Variants in EYS observed in about 807,000 individuals in gnomAD.
The protein encoded by EYS is protein eyes shut homolog.
In EYS, 250 loss-of-function variants were observed where a neutral mutation model predicts 282.1. The ratio of observed to expected loss-of-function variants is 0.89; its 90% CI spans 0.80 to 0.98. The LOEUF (loss-of-function observed/expected upper bound fraction) is 0.98, where lower values mean the gene tolerates loss of function less well. EYS is among the 50% of genes least tolerant of loss of function. The pLI, the probability that EYS is intolerant of heterozygous loss-of-function variation, is 0.00. For synonymous variants in EYS, 1,355 were observed against 1,282.9 expected (o/e 1.06, Z -1.20); for missense variants, 4,016 against 3,709.0 (o/e 1.08, Z -2.15).
intron 13 of EYS, among the ~76,000 whole-genome samples, chr6:65,010,079 C>A (rs2150132665): frequency 6.6e-6 from 1 of 152,280 alleles, no homozygotes; most frequent in African/African-American, 2.4e-5. Flanking sequence ...AACCCAAGCC[C>A]CAGTGTTAAG....
chr6:64,373,219 T>C (rs1029089219), intron 29 of EYS, among the ~76,000 whole-genome samples: 1 of 152,180 alleles, frequency 6.6e-6, no homozygotes, highest in African/African-American at 2.4e-5. Context: ...GAAGTTGCTG[T>C]CCTTTGGATG....
chr6:64,061,083 C>G (rs1771150612), intron 33 of EYS, among the ~76,000 whole-genome samples: 1 of 152,080 alleles, frequency 6.6e-6, no homozygotes, highest in East Asian at 1.9e-4. Flanking sequence ...AACTTTATAC[C>G]TCTGGATAAA....
At chr6:64,095,234 A>T (rs1358395962) in intron 31 of EYS, among the ~76,000 whole-genome samples, 1 of 152,144 alleles carries the variant, frequency 6.6e-6, no homozygotes, top group Non-Finnish European at 1.5e-5. Context: ...TATTCTGTTG[A>T]TTTGGGGTGG....
At position 64,813,610 on chromosome 6, in the gene EYS, A is replaced by T. The variant is rs932405243; in HGVS notation, c.3244-33T>A. The T allele has an allele frequency of 3.2e-5, 44 of 1,393,324 alleles. No individual in the cohort carries two copies. In the African/African-American group the frequency reaches 5.7e-4, roughly 18 times the overall value. 86.3% of individuals were successfully genotyped at this position (1,393,324 alleles called of 1,614,324 possible). Reference sequence around the variant, plus strand: ...AAGAAATAGAGAATCAAATTTGATTATTAGTATAAGGTTGACCATTTTAAT... The same window carrying T: ...AAGAAATAGAGAATCAAATTTGATTTTTAGTATAAGGTTGACCATTTTAAT... On this transcript the variant is annotated intron_variant, in intron 21 of 42. Coordinates refer to ENST00000503581, the MANE Select transcript of EYS (RefSeq NM_001142800.2).
intron 12 of EYS, among the ~76,000 whole-genome samples, chr6:65,081,914 C>T (rs1774240156): frequency 6.6e-6 from 1 of 152,030 alleles, no homozygotes; most frequent in South Asian, 2.1e-4. Context: ...CTGTCACAGG[C>T]CATGGCTGTG....
intron 26 of EYS, among the ~76,000 whole-genome samples, chr6:64,574,543 A>G (rs1429305380): frequency 1.3e-5 from 2 of 152,192 alleles, no homozygotes; most frequent in African/African-American, 2.4e-5. Context: ...TCTCAGGGTA[A>G]GAAGATTTGC....
intron 22 of EYS, among the ~76,000 whole-genome samples, chr6:64,748,264 C>A (rs1772622225): frequency 6.6e-6 from 1 of 152,170 alleles, no homozygotes; most frequent in Non-Finnish European, 1.5e-5. Flanking sequence ...TGCTGGCATT[C>A]CAGCTACTCT....
At chr6:64,377,902 G>C (rs1202588374) in intron 29 of EYS, 1 of 152,094 alleles carries the variant, frequency 6.6e-6, no homozygotes, top group African/African-American at 2.4e-5. Flanking sequence ...TGTTATTGCT[G>C]TGCTTCAATT....
At chr6:65,058,454 AATGTTCTTTAT>A (rs1773479521) in intron 12 of EYS, among the ~76,000 whole-genome samples, 1 of 138,628 alleles carries the variant, frequency 7.2e-6, no homozygotes, top group Non-Finnish European at 1.7e-5. Context: ...CCTGGCCCTA[AATGTTCTTTAT>A]AAGGCACAGT....
At chr6:64,120,333 G>A (rs1458639705) in intron 31 of EYS, among the ~76,000 whole-genome samples, 1 of 144,260 alleles carries the variant, frequency 6.9e-6, no homozygotes, top group East Asian at 2.0e-4. Flanking sequence ...TCCAGCCTGG[G>A]TGACAGAGCG....
intron 5 of EYS, among the ~76,000 whole-genome samples, chr6:65,413,749 G>A (rs932809480): frequency 9.2e-5 from 14 of 152,006 alleles, no homozygotes; most frequent in East Asian, 1.9e-4. Flanking sequence ...CCTGCTACTC[G>A]GAAGGCTGAG....
intron 29 of EYS, among the ~76,000 whole-genome samples, chr6:64,363,564 G>A (rs556982287): frequency 6.0e-4 from 74 of 123,604 alleles, no homozygotes; most frequent in African/African-American, 1.9e-3. Flanking sequence ...AGATTCTGCC[G>A]CTTAGAGCTG....
chr6:65,136,866 G>C (rs1776036498), intron 12 of EYS, among the ~76,000 whole-genome samples: 1 of 151,910 alleles, frequency 6.6e-6, no homozygotes, highest in African/African-American at 2.4e-5. Context: ...ATTTTTTGTA[G>C]AGATGAGGTT....
chr6:63,862,270 A>G (rs954022266), intron 36 of EYS, among the ~76,000 whole-genome samples: 3 of 152,116 alleles, frequency 2.0e-5, no homozygotes, highest in African/African-American at 7.2e-5. Flanking sequence ...TATCTTTTCA[A>G]TTAGAAGGTA....
chr6:64,905,834 G>A (rs543302112), intron 16 of EYS, among the ~76,000 whole-genome samples: 2 of 151,754 alleles, frequency 1.3e-5, no homozygotes, highest in Non-Finnish European at 2.9e-5. Context: ...TTCATATTTG[G>A]TATTAGTTGG....
chr6:65,197,813 C>A (rs1305800861), intron 12 of EYS, among the ~76,000 whole-genome samples: 1 of 151,978 alleles, frequency 6.6e-6, no homozygotes, highest in Non-Finnish European at 1.5e-5. Context: ...ATAAATGGAG[C>A]TTGCAAGACT....
At chr6:63,915,671 T>C (rs1434254804) in intron 35 of EYS, among the ~76,000 whole-genome samples, 2 of 152,176 alleles carry the variant, frequency 1.3e-5, no homozygotes, top group Admixed American at 6.5e-5. Context: ...CTATGATTCA[T>C]GGGAGGTGGT....
At position 64,654,062 on chromosome 6, in the gene EYS, C is replaced by G. The variant is rs1768661213; in HGVS notation, c.3444-27817G>C. The stretch of plus-strand genomic sequence containing the variant: ...ATATTCCTTTTTCTGCATTCAGTCT[C>G]TTCATATTTACCTTAAGATGTTTTA... On this transcript the variant is annotated intron_variant, in intron 22 of 42. Transcript: ENST00000503581. 2.0e-5 allele frequency among the ~76,000 whole-genome samples: 3 copies of G among 152,024 alleles called. No individual in the cohort carries two copies. In the South Asian group the frequency reaches 6.2e-4, roughly 31 times the overall value.
chr6:64,167,083 T>A lies in EYS; in HGVS notation c.6424+63509A>T, dbSNP rs187554633. On this transcript the variant is annotated intron_variant, in intron 31 of 42. Coordinates refer to ENST00000503581, the MANE Select transcript of EYS (RefSeq NM_001142800.2). Reference sequence around the variant, plus strand: ...TCCTGCTGGCTGGTCCAAAATACTTTGATAGAAGAAGTGAGAAAGATTTCA... The same window carrying A: ...TCCTGCTGGCTGGTCCAAAATACTTAGATAGAAGAAGTGAGAAAGATTTCA... Among the ~76,000 whole-genome samples, 11 of 152,330 alleles carry A rather than the reference T, an allele frequency of 7.2e-5. No individual in the cohort carries two copies. The East Asian group carries it at 1.7e-3, about 24-fold the overall frequency.
Sources: allele counts gnomAD v4.1 joint callset (sites outside exome capture counted in the v4.1 genomes callset), GRCh38; gene constraint gnomAD v4.1.1; transcripts MANE v1.5; gene names NCBI Gene and HGNC (gene_info 2026-07-23, HGNC 2026-07-21).